DOK4: variants seen among roughly 807,000 people sequenced by gnomAD.
DOK4 encodes the protein docking protein 4, also known as downstream of tyrosine kinase 4.
A neutral mutation model predicts 40.1 loss-of-function variants in DOK4; 26 were observed. That is an observed-to-expected ratio of 0.65 (90% CI 0.48 to 0.90). DOK4 has a LOEUF of 0.90. Ranked by LOEUF, DOK4 falls within the 40% of genes least tolerant of loss-of-function variation. The probability of loss-of-function intolerance (pLI) is 0.00; values close to 1 mark genes in which losing one functional copy is unlikely to be tolerated. For synonymous variants in DOK4, 179 were observed against 177.0 expected, an observed-to-expected ratio of 1.01 and a Z score of -0.09; for missense variants, 392 against 437.2, an observed-to-expected ratio of 0.90 and a Z score of 0.92.
At chr16:57,477,140 C>G (rs1345713945) in intron 2 of DOK4, among the ~76,000 whole-genome samples, 1 of 152,210 alleles carries the variant, frequency 6.6e-6, no homozygotes, top group African/African-American at 2.4e-5. Flanking sequence ...CTCTAGGCCC[C>G]ACCCCTCCTC....
chr16:57,487,089 C>T (rs532240173), upstream of DOK4: 5 of 152,494 alleles, frequency 3.3e-5, no homozygotes, highest in African/African-American at 1.2e-4. Context: ...GCCCCCAACC[C>T]CCTCACCTCT....
chr16:57,476,947 C>T (rs1228866366), intron 2 of DOK4, among the ~76,000 whole-genome samples: 1 of 152,216 alleles, frequency 6.6e-6, no homozygotes, highest in African/African-American at 2.4e-5. Context: ...CTTGCATGAC[C>T]CCTCCCTCCT....
chr16:57,479,155 G>A lies in DOK4; in HGVS notation c.66+287C>T, dbSNP rs2031313363. Among the ~76,000 whole-genome samples, 1 of 152,242 alleles carries A rather than the reference G, an allele frequency of 6.6e-6. No individual in the cohort carries two copies. The highest frequency in any genetic ancestry group is 1.5e-5 in the Non-Finnish European group (1 of 68,038). ...TGTGGTGACAACTTCAACAATAGCA[G>A]GGGAGCCGCCTGCCCATCGGTGGCC... On this transcript the variant is annotated intron_variant, in intron 2 of 8. Coordinates refer to ENST00000340099, the Ensembl canonical transcript of DOK4. This position sits in a 1 kb window ranked among gnomAD's most constrained non-coding sequence, Gnocchi z 5.8.
chr16:57,476,688 C>T (rs190090473), intron 2 of DOK4, among the ~76,000 whole-genome samples: 1 of 152,332 alleles, frequency 6.6e-6, no homozygotes, highest in East Asian at 1.9e-4. Context: ...GAACCCAAAG[C>T]TGTTTGAGGT....
chr16:57,483,580 T>C (rs1220564345), intron 1 of DOK4, among the ~76,000 whole-genome samples: 1 of 152,112 alleles, frequency 6.6e-6, no homozygotes, highest in African/African-American at 2.4e-5. Context: ...CAGTGAGCTA[T>C]GATCAAGCCA....
In DOK4 at chr16:57,475,479, A is replaced by T. The variant is rs761757955; in HGVS notation, c.289+27T>A. On this transcript the variant is annotated intron_variant, in intron 4 of 8. Transcript: ENST00000340099. ...TGACCAAGACCACCCCAGGGGAGGC[A>T]GATGGAGGCCCATACTCGCGCCTCA... 6 of 1,573,126 alleles carry T rather than the reference A, an allele frequency of 3.8e-6. No homozygotes were observed. The South Asian group carries it at 6.8e-5, about 18-fold the overall frequency.
chr16:57,479,611 G>C lies in DOK4; in HGVS notation c.-104C>G, dbSNP rs1275879737. 6 of 1,319,864 alleles carry C rather than the reference G, an allele frequency of 4.5e-6. No homozygotes were observed. Among genetic ancestry groups the C allele is most frequent in the Non-Finnish European group, 6.4e-6 (6 of 931,914 alleles). The allele number at this position is 1,319,864 out of a possible 1,614,324, so 81.8% of individuals were successfully genotyped here. On this transcript the variant is annotated 5_prime_UTR_variant, in exon 2 of 9. Coordinates refer to ENST00000340099, the Ensembl canonical transcript of DOK4. The surrounding 1 kb of genome is among the most constrained non-coding windows in gnomAD (Gnocchi z 5.8). ...TCCAATCACCTGTTCCAGACACTCT[G>C]TCGGGGCTGCCGCGAGGGGCTGCTC...
At chr16:57,474,688 A>G in intron 6 of DOK4, 105 bp downstream of exon 6, 1 of 1,384,516 alleles carries the variant, frequency 7.2e-7, no homozygotes, top group East Asian at 2.5e-5. Context: ...TGGGATTGCT[A>G]GGCCAATAAG....
chr16:57,479,756 T>C lies in DOK4; in HGVS notation c.-181-68A>G. 7.0e-6 allele frequency: 3 copies of C among 427,184 alleles called. No individual in the cohort carries two copies. 26.5% of individuals were successfully genotyped at this position (427,184 alleles called of 1,614,324 possible). On this transcript the variant is annotated intron_variant, in intron 1 of 8. Transcript: ENST00000340099. This position sits in a 1 kb window ranked among gnomAD's most constrained non-coding sequence, Gnocchi z 5.8. ...TTCTCTTCCTCTCGCTGTCTCGCTC[T>C]CTTTTTTCCTTCCTCTTCCCACACT...
exon 1 of DOK4, chr16:57,486,480 C>G (rs1405424020): frequency 6.6e-6 from 1 of 151,958 alleles, no homozygotes; most frequent in Non-Finnish European, 1.5e-5. Flanking sequence ...GGCTGGGGCT[C>G]CGGCTGGGAC....
chr16:57,474,519 CAGA>C (rs1272269195), intron 6 of DOK4, among the ~76,000 whole-genome samples: 4 of 152,184 alleles, frequency 2.6e-5, no homozygotes, highest in African/African-American at 9.7e-5. Flanking sequence ...TCCACAGTCA[CAGA>C]AGTAGTAAGT....
At chr16:57,484,021 C>A (rs1333168429) in intron 1 of DOK4, 2 of 152,330 alleles carry the variant, frequency 1.3e-5, no homozygotes, top group Non-Finnish European at 2.9e-5. Flanking sequence ...ATGCTCCTCT[C>A]CCCAGGAAGG....
chr16:57,477,680 A>G (rs953326993), intron 2 of DOK4, among the ~76,000 whole-genome samples: 17 of 152,174 alleles, frequency 1.1e-4, no homozygotes, highest in African/African-American at 4.1e-4. Flanking sequence ...GGCTTTGATC[A>G]GTGCTTCAGA....
intron 2 of DOK4, 61 bp from the exon 3 acceptor site, chr16:57,476,018 C>A: frequency 7.1e-7 from 1 of 1,409,350 alleles, no homozygotes; most frequent in Non-Finnish European, 9.8e-7. Flanking sequence ...ACCAGCATGG[C>A]CCTGCAGCCA....
exon 5 of DOK4, chr16:57,475,163 G>T (rs1345926362): frequency 6.2e-7 from 1 of 1,613,980 alleles, no homozygotes; most frequent in Admixed American, 1.7e-5. Flanking sequence ...ATGTCGTTGA[G>T]GCGGGACCCC....
chr16:57,474,112 T>G, intron 6 of DOK4, 73 bp from the exon 7 acceptor site: 1 of 1,589,632 alleles, frequency 6.3e-7, no homozygotes. Context: ...TAGGCTCTCT[T>G]GCAACTGCAA....
chr16:57,475,294 C>T (rs1376363505), intron 4 of DOK4, 75 bp from the exon 5 acceptor site: 1 of 1,567,822 alleles, frequency 6.4e-7, no homozygotes, highest in African/African-American at 1.3e-5. Flanking sequence ...TGACTTATGC[C>T]ACCATGCACA....
Position 57,485,770 on chromosome 16 carries a change from T to C in DOK4, c.-182+535A>G, listed in dbSNP as rs2031523260. ...AGGTGGACAGGACCTTGGGGGCCAA[T>C]GGAGAAAGGTTCAAGGACAGGAGGC... On this transcript the variant is annotated intron_variant, in intron 1 of 8. Transcript: ENST00000340099. This position sits in a 1 kb window ranked among gnomAD's most constrained non-coding sequence, Gnocchi z 4.3. Among the ~76,000 whole-genome samples the C allele has an allele frequency of 6.6e-6, 1 of 151,928 alleles. No homozygotes were observed. The highest frequency in any genetic ancestry group is 2.1e-4 in the South Asian group (1 of 4,812).
At chr16:57,474,942 G>A (rs754830974) in exon 6 of DOK4, 19 of 1,613,424 alleles carry the variant, frequency 1.2e-5, no homozygotes, top group Admixed American at 1.7e-5. Flanking sequence ...CGCCATACAC[G>A]TCCAGGTTGG....
Sources: allele counts gnomAD v4.1 joint callset (sites outside exome capture counted in the v4.1 genomes callset), GRCh38; gene constraint gnomAD v4.1.1; non-coding constraint Gnocchi (gnomAD v3.1); transcripts MANE v1.5; gene names NCBI Gene and HGNC (gene_info 2026-07-23, HGNC 2026-07-21).